CGNL1: variants seen among roughly 807,000 people sequenced by gnomAD.
The protein encoded by CGNL1 is cingulin like 1, also known as cingulin-like protein 1.
In CGNL1, 132 loss-of-function variants were observed where a neutral mutation model predicts 141.2. The ratio of observed to expected loss-of-function variants is 0.93; its 90% CI spans 0.81 to 1.08. The LOEUF (loss-of-function observed/expected upper bound fraction) is 1.08. CGNL1 is among the 50% of genes least tolerant of loss of function. CGNL1 has a pLI of 0.00. For synonymous variants in CGNL1, 690 were observed against 622.1 expected, an observed-to-expected ratio of 1.11 and a Z score of -1.63; for missense variants, 1,870 against 1,588.6, an observed-to-expected ratio of 1.18 and a Z score of -3.01.
chr15:57,532,607 T>G (rs2032014700), intron 14 of CGNL1, among the ~76,000 whole-genome samples: 1 of 152,358 alleles, frequency 6.6e-6, no homozygotes, highest in African/African-American at 2.4e-5. Flanking sequence ...CAAATGTAAG[T>G]GAAACTCCTT....
intron 8 of CGNL1, among the ~76,000 whole-genome samples, chr15:57,464,784 C>G (rs1450722877): frequency 1.4e-5 from 2 of 140,846 alleles, no homozygotes; most frequent in Admixed American, 7.7e-5. Flanking sequence ...GAGTCTTGCT[C>G]TGTCACCCTG....
At chr15:57,465,233 CATTAAG>C (rs1185854102) in intron 8 of CGNL1, among the ~76,000 whole-genome samples, 1 of 151,986 alleles carries the variant, frequency 6.6e-6, no homozygotes, top group Non-Finnish European at 1.5e-5. Flanking sequence ...TAGAATAGAA[CATTAAG>C]ATTATTAAAT....
At chr15:57,429,488 G>A (rs1024161914) in intron 1 of CGNL1, among the ~76,000 whole-genome samples, 6 of 152,212 alleles carry the variant, frequency 3.9e-5, no homozygotes, top group Admixed American at 6.5e-5. Flanking sequence ...CTTAGGCTTC[G>A]TAGAGGAAAC....
intron 8 of CGNL1, among the ~76,000 whole-genome samples, chr15:57,486,965 C>T (rs2152371437): frequency 6.6e-6 from 1 of 152,310 alleles, no homozygotes; most frequent in Middle Eastern, 3.4e-3. Context: ...CTGGCCCTAC[C>T]AGCCATGCTT....
rs1358915287 is a variant in CGNL1 at position 57,461,795 on chromosome 15, A to G, written c.2306A>G (p.Glu769Gly). Residue 769 changes from glutamate (E) to glycine (G), a missense_variant, in exon 8 of 19, where the codon GAA (glutamate) becomes GGA (glycine). Coordinates refer to ENST00000281282, the MANE Select transcript of CGNL1 (RefSeq NM_032866.5). ...ACCGCCCTGAAGGGAGCCCTGAAAG[A>G]AGAGGTTTCCAGCCATGATCAGGAG... ...ELTALKGALK[E>G]EVSSHDQEMD... is the part of the protein sequence containing the mutation. 6.2e-7 allele frequency: 1 copy of G among 1,614,138 alleles called. No homozygotes were observed. Among genetic ancestry groups the G allele is most frequent in the East Asian group, 2.2e-5 (1 of 44,862 alleles).
intron 6 of CGNL1, 21 bp downstream of exon 6, chr15:57,452,310 C>A: frequency 6.9e-6 from 11 of 1,605,800 alleles, no homozygotes; most frequent in Non-Finnish European, 8.5e-6. Flanking sequence ...GGCTGAGAGC[C>A]TGTTGCCCTT....
At chr15:57,509,701 A>G (rs2030066339) in intron 8 of CGNL1, among the ~76,000 whole-genome samples, 1 of 152,252 alleles carries the variant, frequency 6.6e-6, no homozygotes, top group Non-Finnish European at 1.5e-5. Flanking sequence ...TTTGCAATGA[A>G]TGGCTTGATG....
Position 57,516,857 on chromosome 15 carries a change from G to A in CGNL1, c.2481G>A (p.Leu827=). 3 of 1,614,194 alleles carry A rather than the reference G, an allele frequency of 1.9e-6. No individual in the cohort carries two copies. Among genetic ancestry groups the A allele is most frequent in the Non-Finnish European group, 2.5e-6 (3 of 1,180,026 alleles). ...QAGTEMRVKL[L]QEENEKLQGR... is the part of the protein sequence containing the mutation. ...GGACTGAAATGCGCGTGAAGCTTCT[G>A]CAGGAGGAGAATGAGAAGCTGCAGG... The change falls in exon 9 of 19, where the codon CTG becomes CTA. Residue 827 remains leucine (L), a synonymous_variant. Coordinates refer to ENST00000281282, the MANE Select transcript of CGNL1 (RefSeq NM_032866.5).
At chr15:57,390,592 G>A (rs139244825) in intron 1 of CGNL1, among the ~76,000 whole-genome samples, 476 of 152,294 alleles carry the variant, frequency 3.1e-3, no homozygotes, top group African/African-American at 0.011. Context: ...TGAATAAGAC[G>A]GAAGAGAGCA....
chr15:57,508,508 G>A (rs1303550329), intron 8 of CGNL1, among the ~76,000 whole-genome samples: 3 of 152,148 alleles, frequency 2.0e-5, no homozygotes, highest in East Asian at 1.9e-4. Flanking sequence ...ATCTGTTTAG[G>A]TATTACTGAT....
intron 8 of CGNL1, among the ~76,000 whole-genome samples, chr15:57,476,929 G>A (rs377467753): frequency 1.3e-5 from 2 of 152,192 alleles, no homozygotes; most frequent in African/African-American, 2.4e-5. Flanking sequence ...AGTCATGCAC[G>A]GGCCTTATCC....
chr15:57,457,376 TC>T (rs1221614713), intron 7 of CGNL1, among the ~76,000 whole-genome samples: 5 of 152,208 alleles, frequency 3.3e-5, no homozygotes, highest in African/African-American at 9.7e-5. Context: ...CATAGTGTGT[TC>T]CTTTTTCTCT....
chr15:57,515,703 A>G (rs1254613861), intron 8 of CGNL1, among the ~76,000 whole-genome samples: 2 of 152,144 alleles, frequency 1.3e-5, no homozygotes, highest in East Asian at 1.9e-4. Flanking sequence ...ATCAACAATA[A>G]CCACCCTGAG....
chr15:57,531,888 C>A, intron 14 of CGNL1, 109 bp downstream of exon 14: 1 of 689,584 alleles, frequency 1.5e-6, no homozygotes, highest in Non-Finnish European at 2.6e-6. Context: ...TTCATGCCAT[C>A]TAGAAATTGA....
At position 57,517,107 on chromosome 15, in the gene CGNL1, T is replaced by C. The variant is rs1447176189; in HGVS notation, c.2610+121T>C. 7 of 916,814 alleles carry C rather than the reference T, an allele frequency of 7.6e-6. No homozygotes were observed. In the Admixed American group the frequency reaches 1.2e-4, roughly 16 times the overall value. The allele number at this position is 916,814 out of a possible 1,614,324, so 56.8% of individuals were successfully genotyped here. A position where few individuals can be genotyped will look rare whatever the true frequency, so the allele number is the denominator to read the frequency against. ...GATGTAGTAGGAAAGGTCAAGGCAA[T>C]AGTGAATACATCCTCTCTGCAAGCC... On this transcript the variant is annotated intron_variant, in intron 9 of 18. Coordinates refer to ENST00000281282, the MANE Select transcript of CGNL1 (RefSeq NM_032866.5).
At position 57,461,840 on chromosome 15, in the gene CGNL1, A is replaced by C. The variant is rs1454654586; in HGVS notation, c.2351A>C (p.Gln784Pro). ...CAGGAGATGGACAAGCTGAAGGAGC[A>C]ATATGATGCTGAGTTGCAGGCCCTG... Reference protein sequence around the residue: ...HDQEMDKLKEQYDAELQALRE... With the variant: ...HDQEMDKLKEPYDAELQALRE... The change falls in exon 8 of 19, where the codon CAA (glutamine) becomes CCA (proline). Residue 784 changes from glutamine to proline, a missense_variant. Physicochemically the swap from Gln to Pro is moderately conservative, Grantham distance 76 (BLOSUM62 -1). Transcript: ENST00000281282. The C allele has an allele frequency of 1.2e-6, 2 of 1,614,086 alleles. No homozygotes were observed. Among genetic ancestry groups the C allele is most frequent in the Non-Finnish European group, 1.7e-6 (2 of 1,180,016 alleles).
chr15:57,424,034 G>A (rs540994105), intron 1 of CGNL1, among the ~76,000 whole-genome samples: 25 of 152,206 alleles, frequency 1.6e-4, no homozygotes, highest in East Asian at 3.9e-4. Flanking sequence ...GTGACTTCTC[G>A]CCCCACTTGG....
intron 8 of CGNL1, among the ~76,000 whole-genome samples, chr15:57,483,891 T>G (rs1419216164): frequency 2.0e-5 from 3 of 152,226 alleles, no homozygotes; most frequent in Non-Finnish European, 4.4e-5. Flanking sequence ...CATGTGATTT[T>G]TCCCTCCTGA....
rs898324942 is a variant in CGNL1 at position 57,427,683 on chromosome 15, G to A, written c.-15-10302G>A. Among the ~76,000 whole-genome samples the A allele has an allele frequency of 5.9e-5, 9 of 152,354 alleles. No homozygotes were observed. In the East Asian group the frequency reaches 1.4e-3, roughly 23 times the overall value. On this transcript the variant is annotated intron_variant, in intron 1 of 18. Coordinates refer to ENST00000281282, the MANE Select transcript of CGNL1 (RefSeq NM_032866.5). ...ACAACATATTCCGAGGGAGAATACT[G>A]AGCTTTGGAATTCACTTTGCAGACA...
Sources: allele counts gnomAD v4.1 joint callset (sites outside exome capture counted in the v4.1 genomes callset), GRCh38; gene constraint gnomAD v4.1.1; transcripts MANE v1.5; gene names NCBI Gene and HGNC (gene_info 2026-07-23, HGNC 2026-07-21).